EIF4G3: variants seen among roughly 807,000 people sequenced by gnomAD.
The protein encoded by EIF4G3 is eIF-4-gamma 3.
EIF4G3 carries 34 observed loss-of-function variants against 186.4 expected under a neutral mutation model. That is an observed-to-expected ratio of 0.18 (90% CI 0.14 to 0.24). The LOEUF is 0.24. EIF4G3 is among the 10% of genes least tolerant of loss of function. The probability of loss-of-function intolerance (pLI) is 1.00; values close to 1 mark genes in which losing one functional copy is unlikely to be tolerated. For synonymous variants in EIF4G3, 673 were observed against 679.5 expected (o/e 0.99, Z 0.15); for missense variants, 1,536 against 1,948.5 (o/e 0.79, Z 3.99).
chr1:20,853,839 T>G (rs1421078475), intron 26 of EIF4G3, among the ~76,000 whole-genome samples, 162 bp from the exon 27 acceptor site: 1 of 152,112 alleles, frequency 6.6e-6, no homozygotes, highest in African/African-American at 2.4e-5. Context: ...AAGCAAAGTG[T>G]TAGAGGGAAT....
intron 14 of EIF4G3, among the ~76,000 whole-genome samples, chr1:20,939,847 GTTTTTTTTTTTT>G (rs538504683): frequency 7.8e-5 from 7 of 89,954 alleles, no homozygotes; most frequent in Non-Finnish European, 1.1e-4. Context: ...AAGTTGTTTA[GTTTTTTTTTTTT>G]TTTTTTTTTT....
chr1:21,096,458 C>T (rs1047610207), intron 2 of EIF4G3, among the ~76,000 whole-genome samples: 2 of 152,052 alleles, frequency 1.3e-5, no homozygotes, highest in African/African-American at 4.8e-5. Context: ...CATTGAAAAC[C>T]CTGACTTCAC....
intron 12 of EIF4G3, among the ~76,000 whole-genome samples, chr1:20,960,318 T>C (rs2096543017): frequency 6.6e-6 from 1 of 151,958 alleles, no homozygotes; most frequent in African/African-American, 2.4e-5. Context: ...ATACAAAAAT[T>C]AGCCGGGCAT....
intron 36 of EIF4G3, among the ~76,000 whole-genome samples, chr1:20,807,711 T>C (rs187841931): frequency 6.6e-6 from 1 of 151,546 alleles, no homozygotes; most frequent in East Asian, 1.9e-4. Context: ...CAGTCTAAAT[T>C]CTTTTTTATT....
rs1323067869 is a variant in EIF4G3, at chr1:20,815,427, C to T, written c.4515+1965G>A. Among the ~76,000 whole-genome samples, 10 of 147,594 alleles carry T rather than the reference C, an allele frequency of 6.8e-5. No homozygotes were observed. In the South Asian group the frequency reaches 9.2e-4, roughly 14 times the overall value. On this transcript the variant is annotated intron_variant, in intron 34 of 36. Transcript: ENST00000602326. ...TCGTCTGAGTGGGGAGCGCCTCTGC[C>T]CCGCCGCCCTGTCTAGGATGTGAGG...
At position 21,049,747 on chromosome 1, in the gene EIF4G3, C is replaced by T. The variant is rs75173784; in HGVS notation, c.-67+1119G>A. Among the ~76,000 whole-genome samples, 838 of 151,990 alleles carry T rather than the reference C, an allele frequency of 5.5e-3. 12 individuals are homozygous for T. Among genetic ancestry groups the T allele is most frequent in the East Asian group, 0.024 (124 of 5,150 alleles). On this transcript the variant is annotated intron_variant, in intron 4 of 36. Transcript: ENST00000602326. Reference sequence around the variant, plus strand: ...ATTTAACCAAAAGAAAAAAATTAGCCGGGCATGGTGGCATGAGCCTGTGGT... The same window carrying T: ...ATTTAACCAAAAGAAAAAAATTAGCTGGGCATGGTGGCATGAGCCTGTGGT...
chr1:21,077,392 C>G (rs1460680494), intron 3 of EIF4G3, among the ~76,000 whole-genome samples: 1 of 149,318 alleles, frequency 6.7e-6, no homozygotes, highest in Admixed American at 6.7e-5. Context: ...CAGAGCAAGG[C>G]CCTGTCTAGA....
chr1:20,960,323 G>A (rs560822479), intron 12 of EIF4G3, among the ~76,000 whole-genome samples: 184 of 152,032 alleles, frequency 1.2e-3, no homozygotes, highest in African/African-American at 3.8e-3. Context: ...AAAATTAGCC[G>A]GGCATGGTGG....
chr1:21,126,111 G>A (rs548741542), intron 2 of EIF4G3, among the ~76,000 whole-genome samples: 1 of 151,848 alleles, frequency 6.6e-6, no homozygotes, highest in South Asian at 2.1e-4. Context: ...GGAGGCTAAG[G>A]CAGGAGGATT....
At chr1:20,823,849 C>G (rs2062981263) in intron 33 of EIF4G3, among the ~76,000 whole-genome samples, 1 of 152,110 alleles carries the variant, frequency 6.6e-6, no homozygotes, top group Non-Finnish European at 1.5e-5. Context: ...ATCTTTACTT[C>G]TTTAATTGTA....
intron 29 of EIF4G3, 144 bp from the exon 30 acceptor site, chr1:20,841,172 GTTT>G: frequency 2.6e-6 from 2 of 762,226 alleles, no homozygotes; most frequent in Non-Finnish European, 4.0e-6. Context: ...GTTTATATTT[GTTT>G]AACATAATTT....
chr1:21,058,364 A>C (rs989785226), intron 3 of EIF4G3, among the ~76,000 whole-genome samples: 7 of 152,156 alleles, frequency 4.6e-5, no homozygotes, highest in African/African-American at 1.7e-4. Context: ...CAAAATTTTC[A>C]AGAGTAACCA....
At chr1:21,140,180 C>T (rs1224896336) in intron 2 of EIF4G3, among the ~76,000 whole-genome samples, 1 of 152,088 alleles carries the variant, frequency 6.6e-6, no homozygotes, top group Non-Finnish European at 1.5e-5. Flanking sequence ...TGTGGATAAC[C>T]AACACAATAA....
At chr1:20,965,454 A>T (rs1406305992) in intron 12 of EIF4G3, among the ~76,000 whole-genome samples, 2 of 152,102 alleles carry the variant, frequency 1.3e-5, no homozygotes, top group Non-Finnish European at 2.9e-5. Flanking sequence ...CATTTCCACA[A>T]TCACCCCAAT....
At position 20,913,867 on chromosome 1, in the gene EIF4G3, T is replaced by C. The variant is rs995044790; in HGVS notation, c.1664-8896A>G. Among the ~76,000 whole-genome samples the C allele has an allele frequency of 2.7e-4, 38 of 142,416 alleles. 1 individual carries two copies. The South Asian group carries it at 8.1e-3, about 30-fold the overall frequency. The allele number at this position is 142,416 out of a possible 152,430, so 93.4% of individuals were successfully genotyped here. On this transcript the variant is annotated intron_variant, in intron 14 of 36. Coordinates refer to ENST00000602326, the MANE Select transcript of EIF4G3 (RefSeq NM_001391906.1). ...TGTCACCCAGCCTGGAGTGCAGTGG[T>C]GCGATCTCGGCTCACTGCAAGCTCC...
In EIF4G3 at chr1:20,873,700, T is replaced by A. The variant is rs182691065; in HGVS notation, c.2622+5623A>T. 1.1e-4 allele frequency among the ~76,000 whole-genome samples: 16 copies of A among 146,690 alleles called. No individual in the cohort carries two copies. In the East Asian group the frequency reaches 3.4e-3, roughly 31 times the overall value. On this transcript the variant is annotated intron_variant, in intron 20 of 36. Coordinates refer to ENST00000602326, the MANE Select transcript of EIF4G3 (RefSeq NM_001391906.1). ...ATCACTTCCCTAATAATGAATAACATTGAATGTCTTTTTTTTTTCCTTAAA... is the reference window on the plus strand; with the variant it reads ...ATCACTTCCCTAATAATGAATAACAATGAATGTCTTTTTTTTTTCCTTAAA...
chr1:20,989,539 A>G (rs967654284), intron 7 of EIF4G3, among the ~76,000 whole-genome samples: 2 of 139,916 alleles, frequency 1.4e-5, no homozygotes, highest in African/African-American at 5.3e-5. Flanking sequence ...CCTGGATAAC[A>G]AGAGCAAAAC....
chr1:20,898,000 A>G (rs1018608878), intron 16 of EIF4G3, among the ~76,000 whole-genome samples: 1 of 152,190 alleles, frequency 6.6e-6, no homozygotes, highest in Non-Finnish European at 1.5e-5. Context: ...CATTTTCTTA[A>G]GACACATTGG....
intron 2 of EIF4G3, among the ~76,000 whole-genome samples, chr1:21,124,280 G>A (rs978041554): frequency 1.5e-5 from 2 of 131,476 alleles, no homozygotes; most frequent in African/African-American, 2.8e-5. Context: ...AGCGAGACTC[G>A]GTCTCAAAGA....
Sources: allele counts gnomAD v4.1 joint callset (sites outside exome capture counted in the v4.1 genomes callset), GRCh38; gene constraint gnomAD v4.1.1; transcripts MANE v1.5; gene names NCBI Gene and HGNC (gene_info 2026-07-23, HGNC 2026-07-21).